Variants in RANBP2 observed in about 807,000 individuals in gnomAD.
RANBP2 encodes E3 SUMO-protein ligase RanBP2.
RANBP2 carries 57 observed loss-of-function variants against 303.6 expected under a neutral mutation model. The ratio of observed to expected loss-of-function variants is 0.19; its 90% CI spans 0.15 to 0.23. RANBP2 has a LOEUF of 0.23. Among genes scored for constraint, RANBP2 ranks in the 10% least tolerant of loss-of-function variants. The pLI is 1.00. For synonymous variants in RANBP2, 1,167 were observed against 1,301.5 expected (o/e 0.90, Z 2.23); for missense variants, 3,138 against 3,780.8 (o/e 0.83, Z 4.46).
the RANBP2 span, among the ~76,000 whole-genome samples, chr2:109,483,514 G>A: frequency 6.6e-6 from 1 of 152,226 alleles, no homozygotes; most frequent in South Asian, 2.1e-4. Flanking sequence ...CTGCCTGTGG[G>A]TTGAGGTGGC....
the RANBP2 span, among the ~76,000 whole-genome samples, chr2:109,682,748 C>T: frequency 0.091 from 13,863 of 152,068 alleles, 675 homozygotes; most frequent in South Asian, 0.13. Flanking sequence ...CAGACCAACC[C>T]GGGCAACATG....
At chr2:109,442,845 C>T in the RANBP2 span, among the ~76,000 whole-genome samples, 1 of 152,260 alleles carries the variant, frequency 6.6e-6, no homozygotes, top group East Asian at 1.9e-4. Flanking sequence ...TAGGTTTAAA[C>T]CTAATCATGT....
the RANBP2 span, among the ~76,000 whole-genome samples, chr2:109,603,759 GAAGA>G: frequency 1.3e-5 from 2 of 152,164 alleles, no homozygotes; most frequent in East Asian, 3.8e-4. Flanking sequence ...GAGACTTGAT[GAAGA>G]AACAGGAAAT....
the RANBP2 span, among the ~76,000 whole-genome samples, chr2:109,235,711 C>T: frequency 1.3e-3 from 201 of 152,336 alleles, no homozygotes; most frequent in African/African-American, 4.4e-3. Flanking sequence ...GGTGTGCAGT[C>T]GAGGCATCCC....
At chr2:109,399,031 T>G in the RANBP2 span, 1 of 1,355,444 alleles carries the variant, frequency 7.4e-7, no homozygotes, top group Non-Finnish European at 1.0e-6. Context: ...GTTCCTCAAC[T>G]AGCATGGAGG....
chr2:109,689,548 T>C, the RANBP2 span, among the ~76,000 whole-genome samples: 1 of 152,170 alleles, frequency 6.6e-6, no homozygotes, highest in Non-Finnish European at 1.5e-5. Context: ...CAACAATTCC[T>C]GGTAAGATTT....
chr2:109,262,355 C>G, the RANBP2 span, among the ~76,000 whole-genome samples: 1 of 152,130 alleles, frequency 6.6e-6, no homozygotes, highest in Non-Finnish European at 1.5e-5. Context: ...TTCACTGTAC[C>G]TGGGGGCAGC....
chr2:109,243,363 C>G, the RANBP2 span, among the ~76,000 whole-genome samples: 1 of 152,258 alleles, frequency 6.6e-6, no homozygotes, highest in Non-Finnish European at 1.5e-5. Flanking sequence ...CTGTTCACCC[C>G]TTACCAGATA....
chr2:109,388,887 G>T, the RANBP2 span, among the ~76,000 whole-genome samples: 1 of 152,156 alleles, frequency 6.6e-6, no homozygotes, highest in African/African-American at 2.4e-5. Flanking sequence ...CTTGCCACCT[G>T]GAGGCTTTCT....
the RANBP2 span, among the ~76,000 whole-genome samples, chr2:109,165,603 C>T: frequency 2.0e-5 from 3 of 152,170 alleles, no homozygotes; most frequent in Non-Finnish European, 1.5e-5. Flanking sequence ...CCTTGACAGA[C>T]ATTGCCAACT....
chr2:109,109,290 G>A, the RANBP2 span, among the ~76,000 whole-genome samples: 9 of 152,324 alleles, frequency 5.9e-5, no homozygotes, highest in East Asian at 1.7e-3. Flanking sequence ...GAACTGTTCC[G>A]AAACTCTTGC....
At chr2:109,138,149 G>C in the RANBP2 span, among the ~76,000 whole-genome samples, 1 of 152,208 alleles carries the variant, frequency 6.6e-6, no homozygotes, top group Non-Finnish European at 1.5e-5. Context: ...CCAAGTGGCT[G>C]GGACTATAGG....
the RANBP2 span, among the ~76,000 whole-genome samples, chr2:109,274,964 C>T: frequency 6.6e-6 from 1 of 151,928 alleles, no homozygotes; most frequent in African/African-American, 2.4e-5. Flanking sequence ...TGGTTAATTT[C>T]CTGTTATATG....
the RANBP2 span, among the ~76,000 whole-genome samples, chr2:108,963,051 G>A: frequency 5.3e-5 from 8 of 152,106 alleles, no homozygotes; most frequent in African/African-American, 9.7e-5. Flanking sequence ...GTGGCTCTGC[G>A]TCACTGAAGG....
At chr2:108,748,738 A>T (rs540257622) in intron 8 of RANBP2, among the ~76,000 whole-genome samples, 182 bp from the exon 9 acceptor site, 2 of 151,922 alleles carry the variant, frequency 1.3e-5, no homozygotes, top group Non-Finnish European at 2.9e-5. Context: ...AGAATATTAA[A>T]CCTGTACTCT....
At chr2:109,371,436 A>G in the RANBP2 span, 1 of 581,668 alleles carries the variant, frequency 1.7e-6, no homozygotes, top group Middle Eastern at 2.7e-4. Flanking sequence ...CTGGGTGAAG[A>G]TGTCAGATAC....
chr2:109,217,171 C>T, the RANBP2 span, among the ~76,000 whole-genome samples: 2 of 152,180 alleles, frequency 1.3e-5, no homozygotes, highest in Admixed American at 1.3e-4. Context: ...TTTATTCATT[C>T]GTCTGCTCAT....
At chr2:109,574,722 A>T in the RANBP2 span, 2 of 1,604,658 alleles carry the variant, frequency 1.2e-6, no homozygotes, top group Non-Finnish European at 8.5e-7. Flanking sequence ...CTTCTTGGAG[A>T]TAGGCCTCAA....
At chr2:109,463,893 A>G in the RANBP2 span, among the ~76,000 whole-genome samples, 1 of 152,184 alleles carries the variant, frequency 6.6e-6, no homozygotes, top group Non-Finnish European at 1.5e-5. Context: ...CAGAGGTGGT[A>G]TAGACAGGGT....
Sources: allele counts gnomAD v4.1 joint callset (sites outside exome capture counted in the v4.1 genomes callset), GRCh38; gene constraint gnomAD v4.1.1; transcripts MANE v1.5; gene names NCBI Gene and HGNC (gene_info 2026-07-23, HGNC 2026-07-21).